The following RTCA variants were observed in gnomAD, a reference collection of about 807,000 sequenced individuals.
RTCA encodes the protein RNA terminal phosphate cyclase domain 1.
In RTCA, 37 loss-of-function variants were observed where a neutral mutation model predicts 46.1. The observed-to-expected ratio is 0.80, with a 90% CI of 0.62 to 1.06. The LOEUF (loss-of-function observed/expected upper bound fraction) is 1.06, where lower values mean the gene tolerates loss of function less well. Among genes scored for constraint, RTCA ranks in the 50% least tolerant of loss-of-function variants. The pLI, the probability that RTCA is intolerant of heterozygous loss-of-function variation, is 0.00. For synonymous variants in RTCA, 164 were observed against 158.3 expected, an observed-to-expected ratio of 1.04 and a Z score of -0.27; for missense variants, 435 against 455.5, an observed-to-expected ratio of 0.95 and a Z score of 0.41.
At chr1:100,276,319 C>T (rs144689823) in intron 7 of RTCA, among the ~76,000 whole-genome samples, 455 of 152,218 alleles carry the variant, frequency 3.0e-3, no homozygotes, top group Non-Finnish European at 4.6e-3. Context: ...GAGAATATTT[C>T]CAGTTGCATA....
At chr1:100,279,846 G>A (rs1184703256) in intron 8 of RTCA, among the ~76,000 whole-genome samples, 9 of 152,280 alleles carry the variant, frequency 5.9e-5, no homozygotes, top group African/African-American at 2.2e-4. Flanking sequence ...GTAAGGGAAT[G>A]GAGAGAGATG....
intron 8 of RTCA, among the ~76,000 whole-genome samples, chr1:100,278,910 G>A (rs2100802763): frequency 6.6e-6 from 1 of 152,312 alleles, no homozygotes; most frequent in East Asian, 1.9e-4. Context: ...TATTGAATTA[G>A]AATCTGTGGG....
chr1:100,268,669 A>G (rs1665918603), intron 3 of RTCA, among the ~76,000 whole-genome samples: 3 of 152,218 alleles, frequency 2.0e-5, no homozygotes, highest in Admixed American at 2.0e-4. Context: ...TTTTGGGATT[A>G]TAAGTGTGAG....
At chr1:100,290,319 C>G (rs1173077171) in intron 10 of RTCA, among the ~76,000 whole-genome samples, 1 of 151,738 alleles carries the variant, frequency 6.6e-6, no homozygotes, top group Non-Finnish European at 1.5e-5. Context: ...CCTGTGTTGC[C>G]CAGGCCAGCC....
intron 10 of RTCA, among the ~76,000 whole-genome samples, chr1:100,290,797 A>G (rs1256902047): frequency 6.6e-6 from 1 of 152,100 alleles, no homozygotes; most frequent in Non-Finnish European, 1.5e-5. Flanking sequence ...GCAAAATACA[A>G]TGATACAGGT....
At chr1:100,290,578 C>A (rs1557983072) in intron 10 of RTCA, among the ~76,000 whole-genome samples, 2 of 152,104 alleles carry the variant, frequency 1.3e-5, no homozygotes, top group Non-Finnish European at 2.9e-5. Context: ...TGAGCCTGGG[C>A]AACAAAGTGA....
Position 100,285,243 on chromosome 1 carries a change from A to G in RTCA, c.815A>G (p.Lys272Arg), listed in dbSNP as rs924543095. ...SLGKRGVNAD[K>R]VGIEAAEMLL... ...TTATCTTAAGGTGTAAATGCAGACAAAGTTGGAATTGAAGCTGCCGAAATG... is the reference window on the plus strand; with the variant it reads ...TTATCTTAAGGTGTAAATGCAGACAGAGTTGGAATTGAAGCTGCCGAAATG... The change falls in exon 9 of 11, where the codon AAA becomes AGA. Residue 272 changes from lysine to arginine, a missense_variant. Physicochemically the swap from Lys to Arg is conservative, Grantham distance 26 (BLOSUM62 2). Coordinates refer to ENST00000370128, the MANE Select transcript of RTCA (RefSeq NM_003729.4). 6.2e-7 allele frequency: 1 copy of G among 1,613,370 alleles called. No individual in the cohort carries two copies. Among genetic ancestry groups the G allele is most frequent in the South Asian group, 1.1e-5 (1 of 91,070 alleles).
At chr1:100,285,510 G>GT (rs1184551893) in intron 9 of RTCA, among the ~76,000 whole-genome samples, 188 bp downstream of exon 9, 1 of 152,160 alleles carries the variant, frequency 6.6e-6, no homozygotes, top group East Asian at 1.9e-4. Flanking sequence ...TGTCTACAGT[G>GT]TTTTGCGCAA....
At chr1:100,267,340 T>G in intron 2 of RTCA, 1 of 678,764 alleles carries the variant, frequency 1.5e-6, no homozygotes, top group Non-Finnish European at 2.2e-6. Context: ...ACTGATATGT[T>G]AATGTTAATT....
At chr1:100,267,081 C>T in intron 2 of RTCA, 1 of 215,726 alleles carries the variant, frequency 4.6e-6, no homozygotes, top group Non-Finnish European at 9.2e-6. Context: ...TCATTCATAC[C>T]TCCAGAGAGC....
intron 8 of RTCA, among the ~76,000 whole-genome samples, chr1:100,284,961 G>A (rs1040307315): frequency 2.6e-5 from 4 of 152,082 alleles, no homozygotes; most frequent in Non-Finnish European, 5.9e-5. Context: ...TTATAAACTG[G>A]CTTTATAAAT....
chr1:100,289,584 T>A (rs1281635706), intron 10 of RTCA, among the ~76,000 whole-genome samples: 1 of 152,230 alleles, frequency 6.6e-6, no homozygotes, highest in Non-Finnish European at 1.5e-5. Context: ...GTTACTCTAC[T>A]TATGCTGTAT....
Position 100,277,296 on chromosome 1 carries a change from G to A in RTCA, c.779G>A (p.Gly260Glu), listed in dbSNP as rs138588995. The stretch of plus-strand genomic sequence containing the variant: ...ACCTCCACTGGCTGTTTGTTTGCTG[G>A]ATCATCGCTTGGTAAACGAGGTAAG... ...AETSTGCLFA[G>E]SSLGKRGVNA... The change falls in exon 8 of 11, where the codon GGA becomes GAA. Residue 260 changes from glycine (G) to glutamate (E), a missense_variant. By Grantham distance (98) the Gly-to-Glu change is moderately conservative. Coordinates refer to ENST00000370128, the MANE Select transcript of RTCA (RefSeq NM_003729.4). 6.2e-7 allele frequency: 1 copy of A among 1,612,060 alleles called. No individual in the cohort carries two copies. Among genetic ancestry groups the A allele is most frequent in the Non-Finnish European group, 8.5e-7 (1 of 1,179,298 alleles).
intron 10 of RTCA, among the ~76,000 whole-genome samples, chr1:100,290,518 C>T (rs1667284844): frequency 6.6e-6 from 1 of 152,164 alleles, no homozygotes; most frequent in South Asian, 2.1e-4. Context: ...TGCCTGTAAT[C>T]CCAGCGCTTT....
At chr1:100,270,737 C>T (rs1666042738) in intron 4 of RTCA, 57 bp downstream of exon 4, 6 of 1,583,692 alleles carry the variant, frequency 3.8e-6, no homozygotes, top group Non-Finnish European at 5.2e-6. Context: ...TCTGAGTCTC[C>T]ATTCTCTAAA....
intron 8 of RTCA, among the ~76,000 whole-genome samples, chr1:100,280,355 T>C (rs1245611316): frequency 1.3e-5 from 2 of 152,208 alleles, no homozygotes; most frequent in African/African-American, 4.8e-5. Flanking sequence ...TGAAAAAAAT[T>C]TTCTAATGTT....
chr1:100,280,879 G>A (rs1666668994), intron 8 of RTCA, among the ~76,000 whole-genome samples: 2 of 152,150 alleles, frequency 1.3e-5, no homozygotes, highest in Non-Finnish European at 2.9e-5. Context: ...GCATGTGCTT[G>A]TAGTCCCAGC....
In RTCA at chr1:100,289,672, C is replaced by T. The variant is rs1667246016; in HGVS notation, c.1000-1731C>T. Among the ~76,000 whole-genome samples the T allele has an allele frequency of 2.0e-5, 3 of 152,216 alleles. No homozygotes were observed. The South Asian group carries it at 6.2e-4, about 32-fold the overall frequency. ...GAGATCAGGTTTTATTCATTATATT[C>T]TTTACTTTTCACAGTACTTTACATA... On this transcript the variant is annotated intron_variant, in intron 10 of 10. Transcript: ENST00000370128.
intron 7 of RTCA, among the ~76,000 whole-genome samples, chr1:100,276,187 A>T (rs1666366213): frequency 6.6e-6 from 1 of 152,160 alleles, no homozygotes; most frequent in African/African-American, 2.4e-5. Flanking sequence ...ATGATAAATT[A>T]AGACAATTAT....
Sources: allele counts gnomAD v4.1 joint callset (sites outside exome capture counted in the v4.1 genomes callset), GRCh38; gene constraint gnomAD v4.1.1; transcripts MANE v1.5; gene names NCBI Gene and HGNC (gene_info 2026-07-23, HGNC 2026-07-21).